GJB2: variants seen among roughly 807,000 people sequenced by gnomAD.
GJB2 encodes gap junction beta-2 protein.
Under a neutral mutation model 16.0 loss-of-function variants are expected in GJB2, and 30 were observed. That is an observed-to-expected ratio of 1.88 (90% confidence interval 1.41 to 2.55). The LOEUF is 2.55. Among genes scored for constraint, GJB2 ranks in the 30% most tolerant of loss-of-function variants. GJB2 has a pLI of 0.00. For missense variants in GJB2, 284 were observed against 289.7 expected, an observed-to-expected ratio of 0.98 and a Z score of 0.14; for synonymous variants, 123 against 119.1, an observed-to-expected ratio of 1.03 and a Z score of -0.21.
At position 20,188,787 on chromosome 13, in the gene GJB2, A is replaced by T; in HGVS notation, c.*114T>A. 1 of 842,622 alleles carries T rather than the reference A, an allele frequency of 1.2e-6. No homozygotes were observed. Among genetic ancestry groups the T allele is most frequent in the Non-Finnish European group, 2.0e-6 (1 of 500,564 alleles). The allele number at this position is 842,622 out of a possible 1,614,324, so 52.2% of individuals were successfully genotyped here. ...ACAGGGGTTTCAAATGGTTGCATTTAAGGTCAGAATCTTTGTGTTGGGAAA... is the reference window on the plus strand; with the variant it reads ...ACAGGGGTTTCAAATGGTTGCATTTTAGGTCAGAATCTTTGTGTTGGGAAA... On this transcript the variant is annotated 3_prime_UTR_variant, in exon 2 of 2. Transcript: ENST00000382848.
intron 1 of GJB2, among the ~76,000 whole-genome samples, chr13:20,192,237 T>G (rs551695706): frequency 1.3e-5 from 2 of 152,060 alleles, no homozygotes; most frequent in African/African-American, 4.8e-5. Context: ...GGCCCCGGGG[T>G]AGGCCGGGAT....
Position 20,188,675 on chromosome 13 carries a change from T to G in GJB2, c.*226A>C, listed in dbSNP as rs1443992937. 1 of 582,250 alleles carries G rather than the reference T, an allele frequency of 1.7e-6. No homozygotes were observed. The highest frequency in any genetic ancestry group is 1.9e-5 in the African/African-American group (1 of 53,586). 36.1% of individuals were successfully genotyped at this position (582,250 alleles called of 1,614,324 possible). The stretch of plus-strand genomic sequence containing the variant: ...TGGAACTAACTTAAGTGAAAGAAAA[T>G]TAAGACAGGCATAGAATTAGGCCTT... On this transcript the variant is annotated 3_prime_UTR_variant, in exon 2 of 2. Transcript: ENST00000382848.
rs1959053025 is a variant in GJB2 at position 20,188,657 on chromosome 13, AACTT to A, written c.*240_*243del. The A allele has an allele frequency of 3.6e-6, 2 of 563,358 alleles. No homozygotes were observed. Among genetic ancestry groups the A allele is most frequent in the African/African-American group, 1.9e-5 (1 of 53,206 alleles). The allele number at this position is 563,358 out of a possible 1,614,324, so 34.9% of individuals were successfully genotyped here. A position where few individuals can be genotyped will look rare whatever the true frequency, so the allele number is the denominator to read the frequency against. On this transcript the variant is annotated 3_prime_UTR_variant, in exon 2 of 2. Transcript: ENST00000382848. ...AACAGCCTGGGGTCTCAGTGGAACT[AACTT>A]AAGTGAAAGAAAATTAAGACAGGCA...
Position 20,189,089 on chromosome 13 carries a change from G to A in GJB2, c.493C>T (p.Arg165Trp), listed in dbSNP as rs376898963. 2.1e-4 allele frequency: 336 copies of A among 1,614,022 alleles called. 2 individuals are homozygous for A. The South Asian group carries it at 3.2e-3, about 16-fold the overall frequency. ...YVMYDGFSMQ[R>W]LVKCNAWPCP... ...GGCCAGGCGTTGCACTTCACCAGCCGCTGCATGGAGAAGCCGTCGTACATG... is the reference window on the plus strand; with the variant it reads ...GGCCAGGCGTTGCACTTCACCAGCCACTGCATGGAGAAGCCGTCGTACATG... Residue 165 changes from arginine to tryptophan, a missense_variant, in exon 2 of 2, where the codon CGG becomes TGG. Transcript: ENST00000382848.
Position 20,189,228 on chromosome 13 carries a change from G to A in GJB2, c.354C>T (p.Ile118=), listed in dbSNP as rs1260220204. The part of the protein sequence containing the change: ...KGEIKSEFKD[I]EEIKTQKVRI... ...GGACCTTCTGGGTTTTGATCTCCTC[G>A]ATGTCCTTAAATTCACTCTTTATCT... The change falls in exon 2 of 2, where the codon ATC becomes ATT. Residue 118 remains isoleucine, a synonymous_variant. Coordinates refer to ENST00000382848, the MANE Select transcript of GJB2 (RefSeq NM_004004.6). 1.9e-6 allele frequency: 3 copies of A among 1,613,556 alleles called. No homozygotes were observed. The highest frequency in any genetic ancestry group is 1.3e-5 in the African/African-American group (1 of 75,034).
At chr13:20,190,639 G>A (rs2137310070) in intron 1 of GJB2, among the ~76,000 whole-genome samples, 1 of 152,280 alleles carries the variant, frequency 6.6e-6, no homozygotes, top group Non-Finnish European at 1.5e-5. Flanking sequence ...ATAATCTCCT[G>A]TGAGCCCATG....
At position 20,189,558 on chromosome 13, in the gene GJB2, C is replaced by T. The variant is rs533231493; in HGVS notation, c.24G>A (p.Thr8=). 4.3e-5 allele frequency: 69 copies of T among 1,614,038 alleles called. No homozygotes were observed. The highest frequency in any genetic ancestry group is 1.2e-4 in the Admixed American group (7 of 60,008). Residue 8 remains threonine (T), a synonymous_variant, in exon 2 of 2, where the codon ACG becomes ACA. Coordinates refer to ENST00000382848, the MANE Select transcript of GJB2 (RefSeq NM_004004.6). MDWGTLQ[T]ILGGVNKHST... is the part of the protein sequence containing the mutation. ...AGTGTTTGTTCACACCCCCCAGGAT[C>T]GTCTGCAGCGTGCCCCAATCCATCT...
Position 20,189,295 on chromosome 13 carries a change from G to C in GJB2, c.287C>G (p.Ala96Gly), listed in dbSNP as rs201839979. ...CCTCTTCTTCTCATGTCTCCGGTAG[G>C]CCACGTGCATGGCCACTAGGAGCGC... ...TPALLVAMHV[A>G]YRRHEKKRKF... is the part of the protein sequence containing the mutation. The change falls in exon 2 of 2, where the codon GCC becomes GGC. Residue 96 changes from alanine (A) to glycine (G), a missense_variant. Physicochemically the swap from Ala to Gly is moderately conservative, Grantham distance 60. Coordinates refer to ENST00000382848, the MANE Select transcript of GJB2 (RefSeq NM_004004.6). 3.1e-6 allele frequency: 5 copies of C among 1,613,862 alleles called. No homozygotes were observed. The African/African-American group carries it at 5.3e-5, about 17-fold the overall frequency.
intron 1 of GJB2, among the ~76,000 whole-genome samples, chr13:20,191,089 C>A (rs1959073930): frequency 6.6e-6 from 1 of 152,108 alleles, no homozygotes; most frequent in Admixed American, 6.5e-5. Flanking sequence ...ATATTTTAGC[C>A]CAGGTTCAGC....
chr13:20,190,242 AC>A (rs1444903945), intron 1 of GJB2, among the ~76,000 whole-genome samples: 4 of 152,158 alleles, frequency 2.6e-5, no homozygotes, highest in Non-Finnish European at 5.9e-5. Context: ...CATTTGAGGC[AC>A]CCCGAGTTAA....
Position 20,189,259 on chromosome 13 carries a change from T to G in GJB2, c.323A>C (p.Lys108Thr), listed in dbSNP as rs1959059261. Residue 108 changes from lysine (K) to threonine (T), a missense_variant, in exon 2 of 2, where the codon AAG (lysine) becomes ACG (threonine). Coordinates refer to ENST00000382848, the MANE Select transcript of GJB2 (RefSeq NM_004004.6). ...CTTAAATTCACTCTTTATCTCCCCC[T>G]TGATGAACTTCCTCTTCTTCTCATG... ...RRHEKKRKFIKGEIKSEFKDI... is the reference protein window; with the variant it reads ...RRHEKKRKFITGEIKSEFKDI... 1 of 1,613,140 alleles carries G rather than the reference T, an allele frequency of 6.2e-7. No homozygotes were observed. The highest frequency in any genetic ancestry group is 1.7e-5 in the Admixed American group (1 of 60,024).
At position 20,188,052 on chromosome 13, in the gene GJB2, T is replaced by C. The variant is rs746404073; in HGVS notation, c.*849A>G. On this transcript the variant is annotated 3_prime_UTR_variant, in exon 2 of 2. Transcript: ENST00000382848. The stretch of plus-strand genomic sequence containing the variant: ...AGGTAGTAGTTGGTGGTACATCCAG[T>C]CTGTATTTCTTACACAAAATTACAT... 1 of 152,228 alleles carries C rather than the reference T, an allele frequency of 6.6e-6. No individual in the cohort carries two copies. The highest frequency in any genetic ancestry group is 1.5e-5 in the Non-Finnish European group (1 of 68,046). 9.4% of individuals were successfully genotyped at this position (152,228 alleles called of 1,614,324 possible). A position where few individuals can be genotyped will look rare whatever the true frequency, so the allele number is the denominator to read the frequency against.
Position 20,188,940 on chromosome 13 carries a change from T to C in GJB2, c.642A>G (p.Leu214=), listed in dbSNP as rs530484784. The change falls in exon 2 of 2, where the codon CTA becomes CTG. Residue 214 remains leucine, a synonymous_variant. Transcript: ENST00000382848. ...LLNVTELCYL[L]IRYCSGKSKK... is the part of the protein sequence containing the mutation. ...TTGACTTCCCAGAACAATATCTAAT[T>C]AGCAAATAACACAATTCAGTGACAT... 6.2e-7 allele frequency: 1 copy of C among 1,613,678 alleles called. No individual in the cohort carries two copies. Among genetic ancestry groups the C allele is most frequent in the South Asian group, 1.1e-5 (1 of 91,086 alleles).
At chr13:20,190,762 A>G (rs1959071905) in intron 1 of GJB2, among the ~76,000 whole-genome samples, 1 of 152,238 alleles carries the variant, frequency 6.6e-6, no homozygotes, top group Non-Finnish European at 1.5e-5. Context: ...AATCCGGATG[A>G]ATCATCTCTT....
At position 20,187,664 on chromosome 13, in the gene GJB2, A is replaced by G. The variant is rs1488459016; in HGVS notation, c.*1237T>C. On this transcript the variant is annotated 3_prime_UTR_variant, in exon 2 of 2. Coordinates refer to ENST00000382848, the MANE Select transcript of GJB2 (RefSeq NM_004004.6). Reference sequence around the variant, plus strand: ...TTTTTTGGAAACCATGTCAAGCATAATGGCAATATTCAGGTTCAATCTTCC... The same window carrying G: ...TTTTTTGGAAACCATGTCAAGCATAGTGGCAATATTCAGGTTCAATCTTCC... The G allele has an allele frequency of 6.6e-6, 1 of 152,206 alleles. No homozygotes were observed. The highest frequency in any genetic ancestry group is 6.5e-5 in the Admixed American group (1 of 15,278). 9.4% of individuals were successfully genotyped at this position (152,206 alleles called of 1,614,324 possible). A position where few individuals can be genotyped will look rare whatever the true frequency, so the allele number is the denominator to read the frequency against.
intron 1 of GJB2, among the ~76,000 whole-genome samples, chr13:20,190,854 C>T (rs1158814632): frequency 6.6e-6 from 1 of 152,212 alleles, no homozygotes; most frequent in African/African-American, 2.4e-5. Context: ...AGGCAAGTTG[C>T]ATCCCGTTTT....
rs1959060111 is a variant in GJB2, at chr13:20,189,314, G to A, written c.268C>T (p.Leu90=). The change falls in exon 2 of 2, where the codon CTA becomes TTA. Residue 90 remains leucine (L), a synonymous_variant. Coordinates refer to ENST00000382848, the MANE Select transcript of GJB2 (RefSeq NM_004004.6). ...CGGTAGGCCACGTGCATGGCCACTA[G>A]GAGCGCTGGCGTGGACACGAAGATC... ...QLIFVSTPAL[L]VAMHVAYRRH... The A allele has an allele frequency of 3.1e-6, 5 of 1,614,018 alleles. No individual in the cohort carries two copies. The highest frequency in any genetic ancestry group is 4.2e-6 in the Non-Finnish European group (5 of 1,180,032).
intron 1 of GJB2, among the ~76,000 whole-genome samples, chr13:20,190,191 G>A (rs913165558): frequency 2.6e-5 from 4 of 152,242 alleles, no homozygotes; most frequent in South Asian, 2.1e-4. Context: ...CACAGACGTG[G>A]CATGTAGCAG....
At position 20,188,865 on chromosome 13, in the gene GJB2, GCTGT is replaced by G. The variant is rs754515919; in HGVS notation, c.*32_*35del. 3.3e-6 allele frequency: 5 copies of G among 1,535,250 alleles called. No individual in the cohort carries two copies. Among genetic ancestry groups the G allele is most frequent in the East Asian group, 2.2e-5 (1 of 44,522 alleles). On this transcript the variant is annotated 3_prime_UTR_variant, in exon 2 of 2. Coordinates refer to ENST00000382848, the MANE Select transcript of GJB2 (RefSeq NM_004004.6). ...GCACGGGTTGCCTCATCCCTCTCAT[GCTGT>G]CTATTTCTTAATCTAACAACTGGGC... is the stretch of plus-strand genomic sequence containing the variant.
Sources: allele counts gnomAD v4.1 joint callset (sites outside exome capture counted in the v4.1 genomes callset), GRCh38; gene constraint gnomAD v4.1.1; transcripts MANE v1.5; gene names NCBI Gene and HGNC (gene_info 2026-07-23, HGNC 2026-07-21).